SLC35F2: variants seen among roughly 807,000 people sequenced by gnomAD.
SLC35F2 encodes the protein queuine/queuosine transporter SLC35F2.
In SLC35F2, 25 loss-of-function variants were observed where a neutral mutation model predicts 38.1. The ratio of observed to expected loss-of-function variants is 0.66; its 90% CI spans 0.48 to 0.92. SLC35F2 has a LOEUF of 0.92. SLC35F2 is among the 40% of genes least tolerant of loss of function. SLC35F2 has a pLI of 0.00. For missense variants in SLC35F2, 409 were observed against 452.9 expected (o/e 0.90, Z 0.88); for synonymous variants, 173 against 181.7 (o/e 0.95, Z 0.38).
At chr11:107,843,995 G>A (rs551525279) in intron 1 of SLC35F2, among the ~76,000 whole-genome samples, 3 of 149,056 alleles carry the variant, frequency 2.0e-5, no homozygotes, top group African/African-American at 7.4e-5. Context: ...TGCAACTAGG[G>A]TCTAAAAAAT....
intron 1 of SLC35F2, among the ~76,000 whole-genome samples, chr11:107,818,667 G>A (rs1018960802): frequency 2.0e-5 from 3 of 151,954 alleles, no homozygotes; most frequent in African/African-American, 7.3e-5. Context: ...TGATACATGA[G>A]TTCTTGTTCT....
intron 7 of SLC35F2, among the ~76,000 whole-genome samples, chr11:107,797,272 T>C (rs1859233636): frequency 6.6e-6 from 1 of 151,754 alleles, no homozygotes; most frequent in Admixed American, 6.6e-5. Flanking sequence ...AAAGTTCAAA[T>C]AAGGAGATGA....
chr11:107,796,504 T>C (rs900371955), intron 7 of SLC35F2, among the ~76,000 whole-genome samples: 11 of 152,298 alleles, frequency 7.2e-5, no homozygotes, highest in Non-Finnish European at 1.6e-4. Context: ...GGTCATTATG[T>C]TAAATGAAAT....
intron 1 of SLC35F2, among the ~76,000 whole-genome samples, chr11:107,851,003 G>T (rs2596420): frequency 2.0e-5 from 3 of 151,672 alleles, no homozygotes; most frequent in Non-Finnish European, 4.4e-5. Flanking sequence ...GGTGGCTCAC[G>T]CCTGTAATCC....
At chr11:107,856,133 G>GA (rs912316046) in intron 1 of SLC35F2, among the ~76,000 whole-genome samples, 1 of 146,222 alleles carries the variant, frequency 6.8e-6, no homozygotes, top group Non-Finnish European at 1.5e-5. Context: ...AGAAGAAGAA[G>GA]AAAAGAAAAG....
At chr11:107,856,687 ACT>A (rs1175975675) in intron 1 of SLC35F2, among the ~76,000 whole-genome samples, 1 of 150,246 alleles carries the variant, frequency 6.7e-6, no homozygotes, top group African/African-American at 2.5e-5. Flanking sequence ...ACAGAATGAG[ACT>A]CTGTCAGGAA....
chr11:107,831,743 A>G (rs894588121), intron 1 of SLC35F2, among the ~76,000 whole-genome samples: 2 of 151,898 alleles, frequency 1.3e-5, no homozygotes, highest in Non-Finnish European at 2.9e-5. Context: ...TTCAAGTGTA[A>G]GTGTAAGTTT....
intron 3 of SLC35F2, among the ~76,000 whole-genome samples, chr11:107,807,404 G>A (rs1360838933): frequency 2.0e-5 from 3 of 151,752 alleles, no homozygotes; most frequent in Admixed American, 2.0e-4. Flanking sequence ...AGCTGTGATG[G>A]TGCCACTGCA....
chr11:107,810,519 C>T (rs539051766), intron 3 of SLC35F2: 3 of 985,090 alleles, frequency 3.0e-6, no homozygotes, highest in South Asian at 9.4e-5. Context: ...CATTAACCAA[C>T]GCTAAAAGTA....
rs1859125215 is a variant in SLC35F2 at position 107,791,200 on chromosome 11, G to A, written c.*1415C>T. 3 of 152,620 alleles carry A rather than the reference G, an allele frequency of 2.0e-5. No individual in the cohort carries two copies. The highest frequency in any genetic ancestry group is 4.4e-5 in the Non-Finnish European group (3 of 68,044). 9.5% of individuals were successfully genotyped at this position (152,620 alleles called of 1,614,324 possible). On this transcript the variant is annotated 3_prime_UTR_variant, in exon 8 of 8. Transcript: ENST00000525815. ...AGATTTTTGATAAGAAGTAGTAATA[G>A]CATTGTCTTTTAACAGCTGGAGGCT...
At chr11:107,806,002 C>T (rs189233031) in intron 4 of SLC35F2, among the ~76,000 whole-genome samples, 47 of 152,100 alleles carry the variant, frequency 3.1e-4, no homozygotes, top group Admixed American at 3.1e-3. Flanking sequence ...AGGCTGGTCT[C>T]GAACTCCTGA....
At chr11:107,800,698 C>A (rs1387502202) in intron 7 of SLC35F2, among the ~76,000 whole-genome samples, 1 of 152,156 alleles carries the variant, frequency 6.6e-6, no homozygotes, top group Non-Finnish European at 1.5e-5. Context: ...CCACTTCAGT[C>A]TCTCTCTGGA....
chr11:107,804,897 T>G, intron 5 of SLC35F2, 127 bp from the exon 6 acceptor site: 1 of 1,172,252 alleles, frequency 8.5e-7, no homozygotes, highest in African/African-American at 1.6e-5. Flanking sequence ...TCTTAGAATA[T>G]AAAAATAACG....
chr11:107,792,517 A>C lies in SLC35F2; in HGVS notation c.*98T>G. 7.2e-7 allele frequency: 1 copy of C among 1,379,796 alleles called. No individual in the cohort carries two copies. The highest frequency in any genetic ancestry group is 9.7e-7 in the Non-Finnish European group (1 of 1,027,114). The allele number at this position is 1,379,796 out of a possible 1,614,324, so 85.5% of individuals were successfully genotyped here. A position where few individuals can be genotyped will look rare whatever the true frequency, so the allele number is the denominator to read the frequency against. On this transcript the variant is annotated 3_prime_UTR_variant, in exon 8 of 8. Transcript: ENST00000525815. ...CACTGGATCCAACCCAGGGTTGTAG[A>C]GTGTCCATTCTGAGTCTGCTATTTC...
rs1186618184 is a variant in SLC35F2 at position 107,792,646 on chromosome 11, T to C, written c.1094A>G (p.Asn365Ser). The C allele has an allele frequency of 2.5e-6, 4 of 1,613,126 alleles. No individual in the cohort carries two copies. The African/African-American group carries it at 5.3e-5, about 22-fold the overall frequency. The change falls in exon 8 of 8, where the codon AAC becomes AGC. Residue 365 changes from asparagine to serine, a missense_variant. Transcript: ENST00000525815. ...IDNLGLKLEE[N>S]LQETHSAVL ...GACAGCAGAGTGGGTCTCCTGGAGG[T>C]TCTCCTCCAGCTTCAGCCCCAGGTT...
rs1859403190 is a variant in SLC35F2, at chr11:107,806,999, G to A, written c.415-123C>T. The A allele has an allele frequency of 3.6e-6, 3 of 827,986 alleles. No individual in the cohort carries two copies. The Admixed American group carries it at 8.4e-5, about 23-fold the overall frequency. The allele number at this position is 827,986 out of a possible 1,614,324, so 51.3% of individuals were successfully genotyped here. ...CAGTATTTATTGAGCATTTATTATT[G>A]CCAGCCCTGTACTAAGAGCTTTACC... On this transcript the variant is annotated intron_variant, in intron 3 of 7. Transcript: ENST00000525815.
chr11:107,812,579 A>G (rs1192050002), intron 2 of SLC35F2, among the ~76,000 whole-genome samples: 1 of 152,188 alleles, frequency 6.6e-6, no homozygotes, highest in East Asian at 1.9e-4. Flanking sequence ...TACATGCTGG[A>G]CTTAATACTT....
At chr11:107,852,101 C>G (rs995674970) in intron 1 of SLC35F2, among the ~76,000 whole-genome samples, 2 of 152,112 alleles carry the variant, frequency 1.3e-5, no homozygotes, top group Non-Finnish European at 2.9e-5. Context: ...GTATCCCAGA[C>G]CTGTTGCTAG....
intron 1 of SLC35F2, among the ~76,000 whole-genome samples, chr11:107,842,255 C>CATAAAAA (rs1565440163): frequency 1.5e-3 from 1 of 684 alleles, no homozygotes; most frequent in African/African-American, 8.6e-3. Context: ...GACTCCGTCT[C>CATAAAAA]ACAAAAAAAA....
Sources: allele counts gnomAD v4.1 joint callset (sites outside exome capture counted in the v4.1 genomes callset), GRCh38; gene constraint gnomAD v4.1.1; transcripts MANE v1.5; gene names NCBI Gene and HGNC (gene_info 2026-07-23, HGNC 2026-07-21).